Variants in PTPRO observed in about 807,000 individuals in gnomAD.
PTPRO encodes protein tyrosine phosphatase receptor type O.
A neutral mutation model predicts 145.2 loss-of-function variants in PTPRO; 62 were observed. The observed-to-expected ratio is 0.43, with a 90% CI of 0.35 to 0.53. PTPRO has a LOEUF of 0.53. Among genes scored for constraint, PTPRO ranks in the 20% least tolerant of loss-of-function variants. The probability of loss-of-function intolerance (pLI) is 0.01; values close to 1 mark genes in which losing one functional copy is unlikely to be tolerated. For synonymous variants in PTPRO, 565 were observed against 514.7 expected, an observed-to-expected ratio of 1.10 and a Z score of -1.32; for missense variants, 1,345 against 1,482.7, an observed-to-expected ratio of 0.91 and a Z score of 1.53.
At chr12:15,561,428 T>G (rs1263598811) in intron 17 of PTPRO, among the ~76,000 whole-genome samples, 2 of 152,034 alleles carry the variant, frequency 1.3e-5, no homozygotes, top group African/African-American at 2.4e-5. Context: ...AAAATAGAGA[T>G]TGTTAATTCC....
chr12:15,565,926 C>T (rs987878115), intron 18 of PTPRO, among the ~76,000 whole-genome samples: 1 of 152,096 alleles, frequency 6.6e-6, no homozygotes, highest in Non-Finnish European at 1.5e-5. Flanking sequence ...ATTCTAAATA[C>T]AGTATATGAA....
chr12:15,393,805 T>C (rs1939260230), intron 1 of PTPRO, among the ~76,000 whole-genome samples: 1 of 152,186 alleles, frequency 6.6e-6, no homozygotes, highest in Admixed American at 6.5e-5. Context: ...GACTGGGTTA[T>C]ATATGAAGAA....
intron 14 of PTPRO, 147 bp from the exon 15 acceptor site, chr12:15,551,404 C>A: frequency 9.7e-7 from 1 of 1,030,362 alleles, no homozygotes; most frequent in Non-Finnish European, 1.5e-6. Flanking sequence ...AGGAAGAGGT[C>A]ATTGCTGGCT....
At chr12:15,356,170 A>T (rs1287432358) in intron 1 of PTPRO, among the ~76,000 whole-genome samples, 1 of 152,264 alleles carries the variant, frequency 6.6e-6, no homozygotes, top group Non-Finnish European at 1.5e-5. Flanking sequence ...GAAAATTTAA[A>T]TATAATCCTG....
intron 6 of PTPRO, among the ~76,000 whole-genome samples, chr12:15,504,996 A>G (rs1267144493): frequency 6.6e-6 from 1 of 152,244 alleles, no homozygotes; most frequent in Non-Finnish European, 1.5e-5. Context: ...TCAGATGCGT[A>G]GAAAGGGTAT....
At chr12:15,379,530 C>CAAAAAAAAA (rs1211403772) in intron 1 of PTPRO, among the ~76,000 whole-genome samples, 1 of 49,448 alleles carries the variant, frequency 2.0e-5, no homozygotes, top group African/African-American at 6.2e-5. Flanking sequence ...AGCTCCATCT[C>CAAAAAAAAA]AAAAAAAAAA....
intron 4 of PTPRO, among the ~76,000 whole-genome samples, chr12:15,500,030 G>A (rs1169221532): frequency 3.3e-5 from 5 of 152,068 alleles, no homozygotes; most frequent in Admixed American, 3.3e-4. Context: ...CTAATATGAA[G>A]CACTATTGTA....
intron 9 of PTPRO, among the ~76,000 whole-genome samples, chr12:15,518,718 C>A (rs376009392): frequency 6.6e-6 from 1 of 152,180 alleles, no homozygotes; most frequent in Non-Finnish European, 1.5e-5. Context: ...AAGGGAGGCA[C>A]AAAATGCTGC....
chr12:15,422,555 C>T (rs1213775588), intron 1 of PTPRO, among the ~76,000 whole-genome samples: 22 of 152,072 alleles, frequency 1.4e-4, no homozygotes, highest in Admixed American at 1.2e-3. Flanking sequence ...GGACAAAATA[C>T]ATTTTTTCTA....
intron 1 of PTPRO, among the ~76,000 whole-genome samples, chr12:15,395,640 TG>T: frequency 6.6e-6 from 1 of 152,166 alleles, no homozygotes; most frequent in Non-Finnish European, 1.5e-5. Flanking sequence ...TAGTAAATTT[TG>T]CAAAACTATT....
chr12:15,472,759 A>G (rs1591842157), intron 1 of PTPRO, among the ~76,000 whole-genome samples: 1 of 152,180 alleles, frequency 6.6e-6, no homozygotes, highest in African/African-American at 2.4e-5. Context: ...CACTCGTGTC[A>G]CCAAACTGCA....
In PTPRO at chr12:15,322,706, CG is replaced by C. The variant is rs1565563328; in HGVS notation, c.-20del. 6.2e-7 allele frequency: 1 copy of C among 1,604,384 alleles called. No homozygotes were observed. Among genetic ancestry groups the C allele is most frequent in the Non-Finnish European group, 8.5e-7 (1 of 1,174,914 alleles). ...GAGTCCGCTAGCGCAGCCGTGCCCC[CG>C]AGTCCCCGTCCGCGCAGCGATGGGG... is the stretch of plus-strand genomic sequence containing the variant. On this transcript the variant is annotated 5_prime_UTR_variant, in exon 1 of 27. Coordinates refer to ENST00000281171, the MANE Select transcript of PTPRO (RefSeq NM_030667.3). This position sits in a 1 kb window ranked among gnomAD's most constrained non-coding sequence, Gnocchi z 6.3.
intron 1 of PTPRO, among the ~76,000 whole-genome samples, chr12:15,387,379 T>A (rs986062272): frequency 8.1e-6 from 1 of 123,760 alleles, no homozygotes; most frequent in African/African-American, 3.0e-5. Context: ...GGGAGGGGGG[T>A]GGGTAAGGGA....
intron 2 of PTPRO, among the ~76,000 whole-genome samples, chr12:15,490,357 T>A (rs1941975193): frequency 6.6e-6 from 1 of 152,202 alleles, no homozygotes; most frequent in Non-Finnish European, 1.5e-5. Context: ...ATACAGACTA[T>A]ATTGCAACTA....
chr12:15,367,782 T>G (rs1938406641), intron 1 of PTPRO, among the ~76,000 whole-genome samples: 1 of 152,164 alleles, frequency 6.6e-6, no homozygotes, highest in Admixed American at 6.5e-5. Flanking sequence ...CACCCCACAA[T>G]GCCCACCCCA....
chr12:15,374,050 G>C (rs1938609937), intron 1 of PTPRO, among the ~76,000 whole-genome samples: 1 of 152,196 alleles, frequency 6.6e-6, no homozygotes, highest in Non-Finnish European at 1.5e-5. Flanking sequence ...AATAAGTAGA[G>C]AGCATGATGA....
rs74935272 is a variant in PTPRO, at chr12:15,598,301, G to A, written c.*2228G>A. ...ATGACTTTGGAATTATCTCTCCTGG[G>A]TCTCAGTTAATAAACTGAAGAATGA... On this transcript the variant is annotated 3_prime_UTR_variant, in exon 27 of 27. Transcript: ENST00000281171. Among the ~76,000 whole-genome samples the A allele has an allele frequency of 1.9e-3, 285 of 152,254 alleles. 1 individual carries two copies. The highest frequency in any genetic ancestry group is 3.5e-3 in the Non-Finnish European group (236 of 68,000).
chr12:15,562,134 A>G (rs10846210), intron 17 of PTPRO, among the ~76,000 whole-genome samples: 48,386 of 152,014 alleles, frequency 0.32, 7,923 homozygotes, highest in Middle Eastern at 0.5. Context: ...AATTTCACAC[A>G]TATCAACTAG....
At chr12:15,333,489 C>T (rs564149516) in intron 1 of PTPRO, among the ~76,000 whole-genome samples, 5 of 152,200 alleles carry the variant, frequency 3.3e-5, no homozygotes, top group East Asian at 1.9e-4. Context: ...ATTTGTTGAA[C>T]GAGTGAATGA....
Sources: gnomAD v4.1 joint callset for allele counts (sites outside exome capture counted in the v4.1 genomes callset) on GRCh38, gnomAD v4.1.1 for gene constraint, Gnocchi (gnomAD v3.1) non-coding constraint, MANE v1.5 for transcripts, NCBI Gene and HGNC (gene_info 2026-07-23, HGNC 2026-07-21) for gene names.